BNC2: variants seen among roughly 807,000 people sequenced by gnomAD.
BNC2 encodes zinc finger protein basonuclin-2.
A neutral mutation model predicts 76.3 loss-of-function variants in BNC2; 20 were observed. The ratio of observed to expected loss-of-function variants is 0.26; its 90% CI spans 0.18 to 0.38. The LOEUF is 0.38. Among genes scored for constraint, BNC2 ranks in the 10% least tolerant of loss-of-function variants. BNC2 has a pLI of 1.00. For synonymous variants in BNC2, 582 were observed against 514.8 expected, an observed-to-expected ratio of 1.13 and a Z score of -1.77; for missense variants, 1,382 against 1,399.8, an observed-to-expected ratio of 0.99 and a Z score of 0.20.
intron 3 of BNC2, among the ~76,000 whole-genome samples, chr9:16,669,639 T>C (rs903155336): frequency 2.6e-5 from 4 of 152,192 alleles, no homozygotes; most frequent in African/African-American, 9.7e-5. Flanking sequence ...GGAATTAAAG[T>C]ATGTGAGATA....
intron 5 of BNC2, among the ~76,000 whole-genome samples, chr9:16,512,484 G>GCACA (rs113858472): frequency 2.8e-4 from 42 of 149,270 alleles, no homozygotes; most frequent in African/African-American, 8.3e-4. Context: ...TAACACACGC[G>GCACA]CACACACACA....
At chr9:16,435,530 G>C in intron 6 of BNC2, 25 bp downstream of exon 6, 1 of 1,612,484 alleles carries the variant, frequency 6.2e-7, no homozygotes, top group Non-Finnish European at 8.5e-7. Context: ...CCCCCAGCAG[G>C]AGCAGCCAAT....
intron 3 of BNC2, among the ~76,000 whole-genome samples, chr9:16,653,572 C>T (rs1009374284): frequency 2.0e-5 from 3 of 151,880 alleles, no homozygotes; most frequent in Admixed American, 1.3e-4. Context: ...GGGGGCCTGG[C>T]GGGGGAAGTG....
chr9:16,852,734 C>G (rs1819156612), intron 1 of BNC2, among the ~76,000 whole-genome samples: 1 of 152,018 alleles, frequency 6.6e-6, no homozygotes, highest in Admixed American at 6.6e-5. Flanking sequence ...GCAGGAAGGT[C>G]TCTTTAAAGG....
At chr9:16,676,650 G>A (rs995967337) in intron 3 of BNC2, among the ~76,000 whole-genome samples, 3 of 152,320 alleles carry the variant, frequency 2.0e-5, no homozygotes, top group Middle Eastern at 3.4e-3. Flanking sequence ...CAATGTATCT[G>A]ACATATAGAA....
intron 1 of BNC2, among the ~76,000 whole-genome samples, chr9:16,865,242 C>T (rs1479987589): frequency 6.6e-6 from 1 of 151,996 alleles, no homozygotes; most frequent in East Asian, 1.9e-4. Context: ...ATCTAGAAGG[C>T]TGGCTTGATG....
intron 1 of BNC2, among the ~76,000 whole-genome samples, chr9:16,758,910 C>G (rs1230332698): frequency 2.1e-5 from 1 of 48,630 alleles, no homozygotes; most frequent in African/African-American, 3.8e-5. Flanking sequence ...TTAAATCAAC[C>G]TTTTAAAAAT....
At chr9:16,522,922 C>T (rs1817666228) in intron 5 of BNC2, among the ~76,000 whole-genome samples, 1 of 152,092 alleles carries the variant, frequency 6.6e-6, no homozygotes, top group African/African-American at 2.4e-5. Context: ...AGCCTAAAAC[C>T]ATGATGGGAA....
At chr9:16,659,453 C>T (rs1468109801) in intron 3 of BNC2, among the ~76,000 whole-genome samples, 3 of 151,914 alleles carry the variant, frequency 2.0e-5, no homozygotes, top group Non-Finnish European at 4.4e-5. Flanking sequence ...ACTAAAAACA[C>T]AAAAATTAGC....
chr9:16,560,237 G>T (rs1044736540), intron 4 of BNC2, among the ~76,000 whole-genome samples: 91 of 152,156 alleles, frequency 6.0e-4, no homozygotes, highest in African/African-American at 2.0e-3. Context: ...TGAATTAATG[G>T]GTATGTGTTA....
At chr9:16,533,255 G>C (rs994417743) in intron 5 of BNC2, among the ~76,000 whole-genome samples, 1 of 152,026 alleles carries the variant, frequency 6.6e-6, no homozygotes, top group Non-Finnish European at 1.5e-5. Flanking sequence ...TTTGTGTCTT[G>C]GACAGGAAAC....
chr9:16,525,964 G>A (rs1255083397), intron 5 of BNC2, among the ~76,000 whole-genome samples: 2 of 151,930 alleles, frequency 1.3e-5, no homozygotes, highest in Admixed American at 1.3e-4. Context: ...ACAATCAAGA[G>A]TCTATCCTTG....
intron 5 of BNC2, among the ~76,000 whole-genome samples, chr9:16,477,021 G>C (rs916094710): frequency 2.0e-5 from 3 of 152,154 alleles, no homozygotes; most frequent in Admixed American, 6.5e-5. Flanking sequence ...AAATACAAGT[G>C]TCCCAAACCA....
intron 6 of BNC2, among the ~76,000 whole-genome samples, chr9:16,430,983 A>G (rs2130787888): frequency 6.6e-6 from 1 of 152,344 alleles, no homozygotes; most frequent in Middle Eastern, 3.4e-3. Context: ...TACAACTTGA[A>G]GATCAAGCAT....
At chr9:16,759,936 G>A (rs1825504414) in intron 1 of BNC2, among the ~76,000 whole-genome samples, 1 of 152,124 alleles carries the variant, frequency 6.6e-6, no homozygotes, top group South Asian at 2.1e-4. Context: ...CATTAGCCAG[G>A]ACGGTCTGGA....
At chr9:16,610,102 A>G (rs1426718926) in intron 3 of BNC2, among the ~76,000 whole-genome samples, 1 of 149,874 alleles carries the variant, frequency 6.7e-6, no homozygotes, top group Non-Finnish European at 1.5e-5. Context: ...CATAATATAG[A>G]TATCACACAA....
intron 5 of BNC2, among the ~76,000 whole-genome samples, chr9:16,481,349 T>G (rs546765951): frequency 1.3e-5 from 2 of 152,240 alleles, no homozygotes; most frequent in South Asian, 4.1e-4. Context: ...GGAAGCTTTG[T>G]TCTTTCGCTC....
chr9:16,443,464 A>G (rs1039851378), intron 5 of BNC2, among the ~76,000 whole-genome samples: 1 of 152,212 alleles, frequency 6.6e-6, no homozygotes, highest in African/African-American at 2.4e-5. Context: ...TTGGATAGAA[A>G]GTAGAGAAAT....
intron 2 of BNC2, among the ~76,000 whole-genome samples, chr9:16,737,529 C>T (rs998067426): frequency 3.5e-5 from 5 of 140,922 alleles, no homozygotes; most frequent in Admixed American, 2.2e-4. Flanking sequence ...GGATTACAGG[C>T]GTGAGCCACC....
Sources: allele counts gnomAD v4.1 joint callset (sites outside exome capture counted in the v4.1 genomes callset), GRCh38; gene constraint gnomAD v4.1.1; transcripts MANE v1.5; gene names NCBI Gene and HGNC (gene_info 2026-07-23, HGNC 2026-07-21).